SEMA3C: variants seen among roughly 807,000 people sequenced by gnomAD.
SEMA3C encodes the protein semaphorin 3C.
Under a neutral mutation model 89.4 loss-of-function variants are expected in SEMA3C, and 47 were observed. That is an observed-to-expected ratio of 0.53 (90% confidence interval 0.42 to 0.67). The LOEUF (loss-of-function observed/expected upper bound fraction) is 0.67. Among genes scored for constraint, SEMA3C ranks in the 30% least tolerant of loss-of-function variants. The pLI is 0.00. For missense variants in SEMA3C, 839 were observed against 929.1 expected, an observed-to-expected ratio of 0.90 and a Z score of 1.26; for synonymous variants, 310 against 320.2, an observed-to-expected ratio of 0.97 and a Z score of 0.34.
chr7:80,838,879 T>A (rs552646259), intron 2 of SEMA3C, among the ~76,000 whole-genome samples: 1 of 152,164 alleles, frequency 6.6e-6, no homozygotes, highest in African/African-American at 2.4e-5. Flanking sequence ...CACGTGATGA[T>A]TACAACTGAG....
Position 80,803,387 on chromosome 7 carries a change from G to T in SEMA3C, c.802-608C>A, listed in dbSNP as rs185305390. On this transcript the variant is annotated intron_variant, in intron 8 of 17. Transcript: ENST00000265361. The stretch of plus-strand genomic sequence containing the variant: ...GCCTTTTACCCCTTCTGCTGACTTC[G>T]CTGCCTTGTTGCAAATGACTGAGAA... Among the ~76,000 whole-genome samples the T allele has an allele frequency of 6.8e-4, 104 of 152,172 alleles. 1 individual carries two copies. Among genetic ancestry groups the T allele is most frequent in the African/African-American group, 2.4e-3 (101 of 41,532 alleles).
At chr7:80,896,789 C>T (rs959346758) in intron 2 of SEMA3C, among the ~76,000 whole-genome samples, 1 of 152,150 alleles carries the variant, frequency 6.6e-6, no homozygotes, top group Non-Finnish European at 1.5e-5. Flanking sequence ...CTTTCTGAGA[C>T]AACTTTTCTA....
upstream of SEMA3C, among the ~76,000 whole-genome samples, chr7:80,921,390 G>C (rs188894477): frequency 9.8e-4 from 149 of 152,280 alleles, 1 homozygote; most frequent in African/African-American, 3.5e-3. Flanking sequence ...GCTCATGCTT[G>C]CCAGAGACTT....
At chr7:80,817,038 A>G (rs979768627) in intron 5 of SEMA3C, among the ~76,000 whole-genome samples, 2 of 152,220 alleles carry the variant, frequency 1.3e-5, no homozygotes, top group African/African-American at 4.8e-5. Flanking sequence ...TACTTAATCA[A>G]TTGATCACAG....
At chr7:80,917,708 G>A (rs1407223671) in intron 1 of SEMA3C, among the ~76,000 whole-genome samples, 1 of 152,056 alleles carries the variant, frequency 6.6e-6, no homozygotes, top group Non-Finnish European at 1.5e-5. Context: ...ATAAACTCAG[G>A]ACCATTAAAG....
chr7:80,750,505 C>T (rs918462380), intron 16 of SEMA3C, among the ~76,000 whole-genome samples: 5 of 139,112 alleles, frequency 3.6e-5, no homozygotes, highest in African/African-American at 5.2e-5. Context: ...CACACACATA[C>T]ACACACACAC....
At chr7:80,791,832 A>G (rs936891977) in intron 11 of SEMA3C, among the ~76,000 whole-genome samples, 11 of 152,194 alleles carry the variant, frequency 7.2e-5, no homozygotes, top group African/African-American at 2.4e-4. Context: ...CTTTGGGCCA[A>G]TGTTGTCAGG....
At chr7:80,816,443 G>T (rs150414635) in intron 5 of SEMA3C, among the ~76,000 whole-genome samples, 1 of 152,146 alleles carries the variant, frequency 6.6e-6, no homozygotes, top group Non-Finnish European at 1.5e-5. Flanking sequence ...CAATCTTAGT[G>T]ATAGAGAAGA....
chr7:80,920,810 C>T (rs940052674), upstream of SEMA3C, among the ~76,000 whole-genome samples: 5 of 152,150 alleles, frequency 3.3e-5, no homozygotes, highest in East Asian at 1.9e-4. Context: ...AAGCACTGTG[C>T]GTGCTTCTCT....
At chr7:80,871,164 C>T (rs567964310) in intron 2 of SEMA3C, among the ~76,000 whole-genome samples, 15 of 152,172 alleles carry the variant, frequency 9.9e-5, no homozygotes, top group Middle Eastern at 3.4e-3. Flanking sequence ...AAGAAATGCA[C>T]GAAGGTTTCA....
At chr7:80,784,480 A>G (rs147138551) in intron 12 of SEMA3C, among the ~76,000 whole-genome samples, 22 of 152,268 alleles carry the variant, frequency 1.4e-4, no homozygotes, top group Non-Finnish European at 2.1e-4. Context: ...ACTCAAGATA[A>G]AAGAAGAAAT....
chr7:80,749,455 C>T (rs1787876177), intron 16 of SEMA3C, among the ~76,000 whole-genome samples: 1 of 152,090 alleles, frequency 6.6e-6, no homozygotes. Flanking sequence ...TATCCCATTC[C>T]TAAAGTCCAT....
At chr7:80,873,227 G>T (rs1322817810) in intron 2 of SEMA3C, among the ~76,000 whole-genome samples, 1 of 152,222 alleles carries the variant, frequency 6.6e-6, no homozygotes, top group East Asian at 1.9e-4. Flanking sequence ...TGGTGAGACT[G>T]TGGTGAGCAG....
At chr7:80,754,947 G>GTTTTTTTTTGTTTTTTTTTTGT (rs1173212982) in intron 15 of SEMA3C, among the ~76,000 whole-genome samples, 220 of 13,058 alleles carry the variant, frequency 0.017, 2 homozygotes, top group South Asian at 0.047. Flanking sequence ...CTGGCGAATT[G>GTTTTTTTTTGTTTTTTTTTTGT]TTTTTTTTTG....
rs763944597 is a variant in SEMA3C at position 80,789,456 on chromosome 7, G to C, written c.1204C>G (p.Arg402Gly). 1.2e-6 allele frequency: 2 copies of C among 1,614,020 alleles called. No individual in the cohort carries two copies. Among genetic ancestry groups the C allele is most frequent in the South Asian group, 1.1e-5 (1 of 91,074 alleles). Residue 402 changes from arginine to glycine, a missense_variant, in exon 12 of 18, where the codon CGG (arginine) becomes GGG (glycine). Arg to Gly is a moderately radical substitution (Grantham distance 125). Transcript: ENST00000265361. ...EFPDDVVTFIRNHPLMYNSIY... is the reference protein window; with the variant it reads ...EFPDDVVTFIGNHPLMYNSIY... ...GAATTGTACATGAGAGGATGGTTCCGAATAAAAGTGACAACATCATCTGGG... is the reference window on the plus strand; with the variant it reads ...GAATTGTACATGAGAGGATGGTTCCCAATAAAAGTGACAACATCATCTGGG...
rs566745935 is a variant in SEMA3C, at chr7:80,883,412, T to C, written c.103+33267A>G. Among the ~76,000 whole-genome samples, 5 of 152,318 alleles carry C rather than the reference T, an allele frequency of 3.3e-5. No individual in the cohort carries two copies. The South Asian group carries it at 8.3e-4, about 25-fold the overall frequency. Reference sequence around the variant, plus strand: ...AGGAGTGTCTGTGTTTGAACTGTGCTTGATCTGGGATACTTTCAAACTGAA... The same window carrying C: ...AGGAGTGTCTGTGTTTGAACTGTGCCTGATCTGGGATACTTTCAAACTGAA... On this transcript the variant is annotated intron_variant, in intron 2 of 17. Transcript: ENST00000265361.
intron 4 of SEMA3C, among the ~76,000 whole-genome samples, chr7:80,820,281 C>T (rs1253501362): frequency 4.0e-5 from 6 of 151,710 alleles, no homozygotes; most frequent in African/African-American, 7.3e-5. Context: ...AGGATGGTCT[C>T]GATCTCCTGA....
chr7:80,915,272 A>G (rs1792242643), intron 2 of SEMA3C, among the ~76,000 whole-genome samples: 1 of 152,184 alleles, frequency 6.6e-6, no homozygotes. Flanking sequence ...TCCATTCTTC[A>G]CAACTTAACT....
At position 80,866,625 on chromosome 7, in the gene SEMA3C, T is replaced by A. The variant is rs369408489; in HGVS notation, c.104-37880A>T. Among the ~76,000 whole-genome samples the A allele has an allele frequency of 2.8e-4, 43 of 152,306 alleles. 1 individual carries two copies. The East Asian group carries it at 7.3e-3, about 26-fold the overall frequency. On this transcript the variant is annotated intron_variant, in intron 2 of 17. Transcript: ENST00000265361. ...GGTGCCACAATAGCTGGAGAAGGTG[T>A]TTGTTTTGACTGAAAGCTGTCTATG... is the stretch of plus-strand genomic sequence containing the variant.
Sources: allele counts gnomAD v4.1 joint callset (sites outside exome capture counted in the v4.1 genomes callset), GRCh38; gene constraint gnomAD v4.1.1; transcripts MANE v1.5; gene names NCBI Gene and HGNC (gene_info 2026-07-23, HGNC 2026-07-21).